TIMD4: variants seen among roughly 807,000 people sequenced by gnomAD.
TIMD4 encodes the protein T-cell immunoglobulin and mucin domain-containing protein 4.
A neutral mutation model predicts 41.2 loss-of-function variants in TIMD4; 31 were observed. The ratio of observed to expected loss-of-function variants is 0.75; its 90% CI spans 0.57 to 1.01. TIMD4 has a LOEUF of 1.01. Among genes scored for constraint, TIMD4 ranks in the 50% least tolerant of loss-of-function variants. TIMD4 has a pLI of 0.00. For missense variants in TIMD4, 479 were observed against 472.5 expected, an observed-to-expected ratio of 1.01 and a Z score of -0.13; for synonymous variants, 204 against 177.1, an observed-to-expected ratio of 1.15 and a Z score of -1.21.
intron 7 of TIMD4, among the ~76,000 whole-genome samples, chr5:156,921,252 A>G (rs1311950150): frequency 6.6e-6 from 1 of 152,096 alleles, no homozygotes; most frequent in African/African-American, 2.4e-5. Context: ...TGTGATTTCA[A>G]AGGATTCACA....
chr5:156,962,649 T>C (rs1227110952), intron 1 of TIMD4, among the ~76,000 whole-genome samples: 1 of 152,104 alleles, frequency 6.6e-6, no homozygotes, highest in Non-Finnish European at 1.5e-5. Context: ...TGGCCAAAAC[T>C]GAGTGTGTAC....
At chr5:156,925,982 C>A (rs1219837554) in intron 6 of TIMD4, among the ~76,000 whole-genome samples, 11 of 152,268 alleles carry the variant, frequency 7.2e-5, no homozygotes, top group Non-Finnish European at 1.5e-5. Context: ...TGGCTCACTG[C>A]AACCTCTGCC....
At position 156,943,602 on chromosome 5, in the gene TIMD4, A is replaced by G. The variant is rs557022773; in HGVS notation, c.844+4814T>C. On this transcript the variant is annotated intron_variant, in intron 5 of 8. Coordinates refer to ENST00000274532, the MANE Select transcript of TIMD4 (RefSeq NM_138379.3). The stretch of plus-strand genomic sequence containing the variant: ...AACATGAGCCTGAGATACAATCAGT[A>G]GGGAACTTAATCCCAGCCCACCTGA... Among the ~76,000 whole-genome samples the G allele has an allele frequency of 2.3e-4, 35 of 152,334 alleles. No individual in the cohort carries two copies. The South Asian group carries it at 6.2e-3, about 27-fold the overall frequency.
chr5:156,935,976 A>C (rs1759533486), intron 5 of TIMD4, among the ~76,000 whole-genome samples: 1 of 152,214 alleles, frequency 6.6e-6, no homozygotes. Context: ...ACGGTAGCTC[A>C]TGCTTGTAAT....
chr5:156,952,371 A>C (rs193021928), intron 2 of TIMD4, among the ~76,000 whole-genome samples: 1 of 152,116 alleles, frequency 6.6e-6, no homozygotes, highest in East Asian at 1.9e-4. Flanking sequence ...CCTTAAGATA[A>C]AGAACCCAGT....
At chr5:156,921,549 G>A (rs1759238974) in intron 7 of TIMD4, among the ~76,000 whole-genome samples, 1 of 146,978 alleles carries the variant, frequency 6.8e-6, no homozygotes, top group Admixed American at 7.0e-5. Context: ...GAACCCAGGA[G>A]GCGGAGGTGC....
chr5:156,932,317 G>A lies in TIMD4; in HGVS notation c.845-6005C>T, dbSNP rs183949665. 2.0e-5 allele frequency among the ~76,000 whole-genome samples: 3 copies of A among 152,270 alleles called. No individual in the cohort carries two copies. In the East Asian group the frequency reaches 5.8e-4, roughly 29 times the overall value. ...CTTGAGGCAAGAGCAAACTCTTGGGGTGTTTATCATTTCCCTGAAGCAGCG... is the reference window on the plus strand; with the variant it reads ...CTTGAGGCAAGAGCAAACTCTTGGGATGTTTATCATTTCCCTGAAGCAGCG... On this transcript the variant is annotated intron_variant, in intron 5 of 8. Transcript: ENST00000274532.
At chr5:156,944,694 A>G (rs1209258212) in intron 5 of TIMD4, among the ~76,000 whole-genome samples, 2 of 151,572 alleles carry the variant, frequency 1.3e-5, no homozygotes, top group Non-Finnish European at 2.9e-5. Flanking sequence ...TTTAGTAGAG[A>G]CGGGGTTTCA....
chr5:156,937,319 A>G (rs1239376532), intron 5 of TIMD4, among the ~76,000 whole-genome samples: 1 of 152,208 alleles, frequency 6.6e-6, no homozygotes, highest in African/African-American at 2.4e-5. Flanking sequence ...CCAGTTACAG[A>G]TGGTAGATCT....
At chr5:156,926,030 G>C (rs1020592572) in intron 6 of TIMD4, among the ~76,000 whole-genome samples, 1 of 152,026 alleles carries the variant, frequency 6.6e-6, no homozygotes, top group African/African-American at 2.4e-5. Flanking sequence ...CAGCCTTCTG[G>C]GTAGCTGGGA....
intron 5 of TIMD4, among the ~76,000 whole-genome samples, chr5:156,945,922 G>A (rs974660156): frequency 2.3e-4 from 35 of 152,304 alleles, no homozygotes; most frequent in African/African-American, 8.2e-4. Context: ...CACAGACCTA[G>A]AACATAACAC....
chr5:156,954,920 C>T (rs1265300825), intron 1 of TIMD4, among the ~76,000 whole-genome samples, 164 bp from the exon 2 acceptor site: 1 of 151,974 alleles, frequency 6.6e-6, no homozygotes, highest in Non-Finnish European at 1.5e-5. Flanking sequence ...CTTTGTCACC[C>T]AGGCTGGAGT....
In TIMD4 at chr5:156,949,688, C is replaced by G; in HGVS notation, c.723G>C (p.Glu241Asp). The G allele has an allele frequency of 6.2e-7, 1 of 1,613,636 alleles. No individual in the cohort carries two copies. Among genetic ancestry groups the G allele is most frequent in the Non-Finnish European group, 8.5e-7 (1 of 1,179,612 alleles). ...VLPSDSWSSV[E>D]STSADTVLLT... Reference sequence around the variant, plus strand: ...GCAGGACAGTGTCAGCAGAAGTAGACTCAACACTACTCCAGGAATCACTGG... The same window carrying G: ...GCAGGACAGTGTCAGCAGAAGTAGAGTCAACACTACTCCAGGAATCACTGG... The change falls in exon 4 of 9, where the codon GAG (glutamate) becomes GAC (aspartate). Residue 241 changes from glutamate to aspartate, a missense_variant. Coordinates refer to ENST00000274532, the MANE Select transcript of TIMD4 (RefSeq NM_138379.3).
At chr5:156,941,413 T>C (rs942258686) in intron 5 of TIMD4, among the ~76,000 whole-genome samples, 1 of 152,246 alleles carries the variant, frequency 6.6e-6, no homozygotes, top group African/African-American at 2.4e-5. Context: ...ACCTAGACCA[T>C]TACCAGCTTC....
chr5:156,921,616 CAAAAAAAAAAAA>C (rs66842169), intron 7 of TIMD4, among the ~76,000 whole-genome samples: 8 of 47,250 alleles, frequency 1.7e-4, no homozygotes, highest in East Asian at 1.9e-3. Flanking sequence ...GAGACTCTCT[CAAAAAAAAAAAA>C]AAAAAAAAAA....
At chr5:156,932,683 C>T (rs753124308) in intron 5 of TIMD4, among the ~76,000 whole-genome samples, 27 of 152,018 alleles carry the variant, frequency 1.8e-4, no homozygotes, top group Non-Finnish European at 3.2e-4. Flanking sequence ...TCTCGTGAGA[C>T]GAAAATTATT....
At chr5:156,943,830 T>A (rs971199081) in intron 5 of TIMD4, among the ~76,000 whole-genome samples, 3 of 150,758 alleles carry the variant, frequency 2.0e-5, no homozygotes, top group African/African-American at 7.3e-5. Flanking sequence ...GGCAGGTGGA[T>A]CACAAGGTCA....
chr5:156,922,433 G>A (rs773163681), intron 6 of TIMD4, among the ~76,000 whole-genome samples: 6 of 152,196 alleles, frequency 3.9e-5, no homozygotes, highest in Non-Finnish European at 7.3e-5. Context: ...GGGCTCAGGG[G>A]TCTGAGGATA....
At chr5:156,949,781 G>A (rs1017295156) in intron 3 of TIMD4, 50 bp from the exon 4 acceptor site, 4 of 1,140,404 alleles carry the variant, frequency 3.5e-6, no homozygotes, top group Non-Finnish European at 5.3e-6. Flanking sequence ...TAGTTATTGT[G>A]TTTGTGGTGG....
Sources: gnomAD v4.1 joint callset for allele counts (sites outside exome capture counted in the v4.1 genomes callset) on GRCh38, gnomAD v4.1.1 for gene constraint, MANE v1.5 for transcripts, NCBI Gene and HGNC (gene_info 2026-07-23, HGNC 2026-07-21) for gene names.